Variants in NEDD9 observed in about 807,000 individuals in gnomAD.
NEDD9 encodes the protein enhancer of filamentation 1.
In NEDD9, 26 loss-of-function variants were observed where a neutral mutation model predicts 76.6. That is an observed-to-expected ratio of 0.34 (90% confidence interval 0.25 to 0.47). The LOEUF is 0.47. NEDD9 is among the 20% of genes least tolerant of loss of function. The probability of loss-of-function intolerance (pLI) is 1.00; values close to 1 mark genes in which losing one functional copy is unlikely to be tolerated. For synonymous variants in NEDD9, 392 were observed against 414.2 expected (o/e 0.95, Z 0.65); for missense variants, 937 against 1,058.5 (o/e 0.89, Z 1.59).
At chr6:11,208,875 C>A (rs981231748) in intron 2 of NEDD9, among the ~76,000 whole-genome samples, 1 of 152,204 alleles carries the variant, frequency 6.6e-6, no homozygotes, top group African/African-American at 2.4e-5. Flanking sequence ...TGGTTTTGAA[C>A]ATTTGTAGAT....
chr6:11,372,123 C>A (rs1485709356), intron 1 of NEDD9, among the ~76,000 whole-genome samples: 1 of 150,998 alleles, frequency 6.6e-6, no homozygotes, highest in Non-Finnish European at 1.5e-5. Context: ...CCCCTACCTG[C>A]CCCCCATAAT....
At chr6:11,374,173 A>G (rs182751727) in intron 1 of NEDD9, among the ~76,000 whole-genome samples, 3 of 152,218 alleles carry the variant, frequency 2.0e-5, no homozygotes, top group African/African-American at 7.2e-5. Context: ...GAATCAATCA[A>G]TATATGTCAT....
At chr6:11,269,346 G>A (rs560691646) in intron 3 of NEDD9, among the ~76,000 whole-genome samples, 18 of 152,312 alleles carry the variant, frequency 1.2e-4, no homozygotes, top group African/African-American at 3.1e-4. Context: ...TTTGTAGAGC[G>A]TGGAAAACCT....
intron 1 of NEDD9, among the ~76,000 whole-genome samples, chr6:11,375,533 G>A (rs1762956134): frequency 6.6e-6 from 1 of 152,184 alleles, no homozygotes; most frequent in African/African-American, 2.4e-5. Context: ...AGTGTTAGAG[G>A]TGGGGCCTAG....
In NEDD9 at chr6:11,288,321, G is replaced by A. The variant is rs566921151; in HGVS notation, c.12+17671C>T. On this transcript the variant is annotated intron_variant, in intron 3 of 3. Transcript: ENST00000397378. ...GGCTCATAAAAGTGATTTTGTTGGCGTGCTTAGGGTGGAGTCAGCACACCA... is the reference window on the plus strand; with the variant it reads ...GGCTCATAAAAGTGATTTTGTTGGCATGCTTAGGGTGGAGTCAGCACACCA... 6.4e-4 allele frequency among the ~76,000 whole-genome samples: 97 copies of A among 152,288 alleles called. 1 individual carries two copies. Among genetic ancestry groups the A allele is most frequent in the South Asian group, 4.8e-3 (23 of 4,822 alleles).
chr6:11,278,192 T>A (rs1328189381), intron 3 of NEDD9, among the ~76,000 whole-genome samples: 1 of 152,200 alleles, frequency 6.6e-6, no homozygotes. Flanking sequence ...GGAACCACAG[T>A]AGCCTTGAAT....
intron 3 of NEDD9, among the ~76,000 whole-genome samples, chr6:11,258,125 C>A (rs1760040773): frequency 6.6e-6 from 1 of 152,194 alleles, no homozygotes; most frequent in South Asian, 2.1e-4. Flanking sequence ...AAAGTGCAAA[C>A]AGAAGGTAGA....
chr6:11,346,486 C>T (rs115430203), intron 1 of NEDD9, among the ~76,000 whole-genome samples: 5,936 of 151,414 alleles, frequency 0.039, 252 homozygotes, highest in African/African-American at 0.1. Context: ...GGCCCCCCCC[C>T]CCGAGGTGAG....
intron 1 of NEDD9, among the ~76,000 whole-genome samples, chr6:11,363,736 AC>A (rs1762716569): frequency 1.3e-5 from 2 of 152,118 alleles, no homozygotes; most frequent in African/African-American, 4.8e-5. Context: ...AGATGCATGA[AC>A]CTTTTTTGGG....
chr6:11,272,581 A>G (rs1324518047), intron 3 of NEDD9, among the ~76,000 whole-genome samples: 1 of 152,232 alleles, frequency 6.6e-6, no homozygotes, highest in Admixed American at 6.5e-5. Flanking sequence ...AAGATCGGTA[A>G]CTGGGAAAAT....
intron 1 of NEDD9, among the ~76,000 whole-genome samples, chr6:11,349,337 C>T (rs1762422061): frequency 6.6e-6 from 1 of 152,200 alleles, no homozygotes; most frequent in African/African-American, 2.4e-5. Flanking sequence ...TAAATTAGTT[C>T]AACCATTGTG....
Position 11,231,650 on chromosome 6 carries a change from C to T in NEDD9, c.12+854G>A, listed in dbSNP as rs563052366. Among the ~76,000 whole-genome samples the T allele has an allele frequency of 4.6e-5, 7 of 152,296 alleles. 1 individual carries two copies. In the South Asian group the frequency reaches 1.5e-3, roughly 32 times the overall value. On this transcript the variant is annotated intron_variant, in intron 1 of 6. Transcript: ENST00000379446. Reference sequence around the variant, plus strand: ...AAATTCATGTCCAATTCATTGCAGTCTGCTTTCTTTGTGTCCCCTGGAAGC... The same window carrying T: ...AAATTCATGTCCAATTCATTGCAGTTTGCTTTCTTTGTGTCCCCTGGAAGC...
At chr6:11,212,892 T>A (rs372378680) in intron 2 of NEDD9, among the ~76,000 whole-genome samples, 89 of 152,230 alleles carry the variant, frequency 5.8e-4, no homozygotes, top group Non-Finnish European at 1.1e-3. Flanking sequence ...CCTTGTTGCA[T>A]CATCAGGCTT....
chr6:11,208,948 T>C (rs1449099599), intron 2 of NEDD9, among the ~76,000 whole-genome samples: 1 of 152,130 alleles, frequency 6.6e-6, no homozygotes, highest in Non-Finnish European at 1.5e-5. Flanking sequence ...AATTGAAAAC[T>C]TTTTTTCTTC....
chr6:11,261,174 G>A (rs868718080), intron 3 of NEDD9, among the ~76,000 whole-genome samples: 19 of 152,250 alleles, frequency 1.2e-4, no homozygotes, highest in Middle Eastern at 6.8e-3. Flanking sequence ...TAATAATAAC[G>A]ATAATGATGA....
intron 3 of NEDD9, among the ~76,000 whole-genome samples, chr6:11,248,447 C>T (rs184553332): frequency 1.3e-5 from 2 of 152,350 alleles, no homozygotes; most frequent in Admixed American, 6.5e-5. Context: ...AACCTTGTTA[C>T]TGCCTTTGAA....
At chr6:11,195,473 C>A (rs1342716139) in intron 2 of NEDD9, among the ~76,000 whole-genome samples, 3 of 148,098 alleles carry the variant, frequency 2.0e-5, no homozygotes, top group African/African-American at 7.5e-5. Flanking sequence ...TTTTTTTTTA[C>A]TCGCTATTGT....
chr6:11,301,453 A>G (rs1452164626), intron 3 of NEDD9, among the ~76,000 whole-genome samples: 1 of 152,250 alleles, frequency 6.6e-6, no homozygotes, highest in Non-Finnish European at 1.5e-5. Flanking sequence ...TATTAGACAG[A>G]TCAATGAGAC....
intron 3 of NEDD9, among the ~76,000 whole-genome samples, chr6:11,239,490 A>C (rs959285262): frequency 6.6e-6 from 1 of 152,244 alleles, no homozygotes. Context: ...TCTCACTTCA[A>C]GGCAATAAAC....
Sources: gnomAD v4.1 joint callset for allele counts (sites outside exome capture counted in the v4.1 genomes callset) on GRCh38, gnomAD v4.1.1 for gene constraint, MANE v1.5 for transcripts, NCBI Gene and HGNC (gene_info 2026-07-23, HGNC 2026-07-21) for gene names.